SZT2: variants seen among roughly 807,000 people sequenced by gnomAD.
The protein encoded by SZT2 is SZT2 subunit of KICSTOR complex, also known as KICSTOR complex protein SZT2.
Under a neutral mutation model 404.2 loss-of-function variants are expected in SZT2, and 216 were observed. The ratio of observed to expected loss-of-function variants is 0.53; its 90% CI spans 0.48 to 0.60. The LOEUF is 0.60. Among genes scored for constraint, SZT2 ranks in the 20% least tolerant of loss-of-function variants. SZT2 has a pLI of 0.00. For missense variants in SZT2, 3,857 were observed against 4,459.2 expected (o/e 0.86, Z 3.85); for synonymous variants, 1,693 against 1,749.9 (o/e 0.97, Z 0.81).
At chr1:43,404,647 TC>T in intron 4 of SZT2, 97 bp downstream of exon 4, 1 of 1,335,564 alleles carries the variant, frequency 7.5e-7, no homozygotes, top group Non-Finnish European at 1.0e-6. Flanking sequence ...GTCCCCAAAG[TC>T]CCGAGCTCTG....
At chr1:43,398,718 T>C (rs1649295237) in intron 1 of SZT2, among the ~76,000 whole-genome samples, 1 of 152,202 alleles carries the variant, frequency 6.6e-6, no homozygotes, top group African/African-American at 2.4e-5. Context: ...AGTGTACAAT[T>C]TGATGGGACT....
chr1:43,419,489 G>A (rs1318689630), intron 7 of SZT2, among the ~76,000 whole-genome samples: 1 of 152,328 alleles, frequency 6.6e-6, no homozygotes, highest in East Asian at 1.9e-4. Flanking sequence ...GAAGGAGGTG[G>A]TGGGCCTTTA....
rs560313634 is a variant in SZT2 at position 43,453,246 on chromosome 1, T to G, written c.*2766T>G. The G allele has an allele frequency of 2.6e-4, 168 of 654,798 alleles. No homozygotes were observed. The highest frequency in any genetic ancestry group is 4.0e-4 in the Non-Finnish European group (152 of 380,160). 40.6% of individuals were successfully genotyped at this position (654,798 alleles called of 1,614,324 possible). A position where few individuals can be genotyped will look rare whatever the true frequency, so the allele number is the denominator to read the frequency against. The stretch of plus-strand genomic sequence containing the variant: ...GACAGATAAAATACAAAAGGCAATT[T>G]ACAAAGGACCAGGACCGCAGAGGCA... On this transcript the variant is annotated 3_prime_UTR_variant, in exon 72 of 72. Transcript: ENST00000634258.
At chr1:43,416,393 G>A in intron 6 of SZT2, 142 bp from the exon 7 acceptor site, 1 of 717,238 alleles carries the variant, frequency 1.4e-6, no homozygotes, top group Non-Finnish European at 2.3e-6. Context: ...GGTGTTTGAA[G>A]TTTATAAAAC....
At chr1:43,421,468 C>T (rs1447526196) in intron 11 of SZT2, among the ~76,000 whole-genome samples, 165 bp downstream of exon 11, 2 of 152,216 alleles carry the variant, frequency 1.3e-5, no homozygotes, top group Admixed American at 6.5e-5. Flanking sequence ...CCTAAGGCCC[C>T]GGGGAAGAGG....
Position 43,452,134 on chromosome 1 carries a change from C to G in SZT2, c.*1654C>G. The stretch of plus-strand genomic sequence containing the variant: ...TAGGCTGGCAGCCTCACGTGCTGTC[C>G]CCACTGTGCACCCCCTTCTCCGCAC... On this transcript the variant is annotated 3_prime_UTR_variant, in exon 72 of 72. Coordinates refer to ENST00000634258, the MANE Select transcript of SZT2 (RefSeq NM_001365999.1). The G allele has an allele frequency of 2.0e-6, 3 of 1,495,280 alleles. No individual in the cohort carries two copies. In the South Asian group the frequency reaches 3.5e-5, roughly 17 times the overall value. 92.6% of individuals were successfully genotyped at this position (1,495,280 alleles called of 1,614,324 possible).
Position 43,454,100 on chromosome 1 carries a change from A to G in SZT2, c.*3620A>G, listed in dbSNP as rs1450290037. 2.8e-6 allele frequency: 3 copies of G among 1,076,398 alleles called. No individual in the cohort carries two copies. Among genetic ancestry groups the G allele is most frequent in the South Asian group, 4.6e-5 (1 of 21,892 alleles). 66.7% of individuals were successfully genotyped at this position (1,076,398 alleles called of 1,614,324 possible). A position where few individuals can be genotyped will look rare whatever the true frequency, so the allele number is the denominator to read the frequency against. On this transcript the variant is annotated 3_prime_UTR_variant, in exon 72 of 72. Transcript: ENST00000634258. Reference sequence around the variant, plus strand: ...GCCTGAGAGCCGGACGCGAAGCAAGAGAGAGCTGGCTGCCCGAGGGCCCGG... The same window carrying G: ...GCCTGAGAGCCGGACGCGAAGCAAGGGAGAGCTGGCTGCCCGAGGGCCCGG...
chr1:43,439,736 A>T lies in SZT2; in HGVS notation c.7009A>T (p.Ile2337Phe). 6.2e-7 allele frequency: 1 copy of T among 1,607,370 alleles called. No individual in the cohort carries two copies. The highest frequency in any genetic ancestry group is 1.1e-5 in the South Asian group (1 of 90,330). ...EEEFEQLTQVIRCPVVVDSSS... is the reference protein window; with the variant it reads ...EEEFEQLTQVFRCPVVVDSSS... Reference sequence around the variant, plus strand: ...GGAATTTGAGCAACTGACCCAGGTCATCCGCTGCCCGGTTGTTGTGGACAG... The same window carrying T: ...GGAATTTGAGCAACTGACCCAGGTCTTCCGCTGCCCGGTTGTTGTGGACAG... Residue 2337 changes from isoleucine (I) to phenylalanine (F), a missense_variant, in exon 50 of 72, where the codon ATC (isoleucine) becomes TTC (phenylalanine). Physicochemically the swap from Ile to Phe is conservative, Grantham distance 21 (BLOSUM62 0). This residue lies in a region of SZT2 where 573 missense variants were observed against 592.4 expected (regional missense o/e 0.97). Coordinates refer to ENST00000634258, the MANE Select transcript of SZT2 (RefSeq NM_001365999.1). This position sits in a 1 kb window ranked among gnomAD's most constrained non-coding sequence, Gnocchi z 4.2.
intron 23 of SZT2, 44 bp from the exon 24 acceptor site, chr1:43,427,012 A>G (rs746744906): frequency 6.2e-7 from 1 of 1,609,974 alleles, no homozygotes; most frequent in Non-Finnish European, 8.5e-7. Flanking sequence ...CAGGGGTTGG[A>G]CATTCCCTTA....
chr1:43,415,239 G>A, intron 5 of SZT2, 26 bp downstream of exon 5: 1 of 1,596,070 alleles, frequency 6.3e-7, no homozygotes, highest in Non-Finnish European at 8.5e-7. Flanking sequence ...AGTGGGCAGA[G>A]GCAACTTAGA....
chr1:43,432,282 G>A lies in SZT2; in HGVS notation c.5285G>A (p.Arg1762His), dbSNP rs779573906. ...SLTQFKEEFR[R>H]LHLPGHVLLE... is the part of the protein sequence containing the mutation. ...GCTCCTGCTCTCTAGGAGTTCCGCC[G>A]CCTCCATCTCCCTGGCCATGTTCTT... Residue 1762 changes from arginine (R) to histidine (H), a missense_variant, in exon 37 of 72, where the codon CGC becomes CAC. Physicochemically the swap from Arg to His is conservative, Grantham distance 29. This residue lies in a region of SZT2 where 1,725 missense variants were observed against 1,881.0 expected (regional missense o/e 0.92). Coordinates refer to ENST00000634258, the MANE Select transcript of SZT2 (RefSeq NM_001365999.1). The A allele has an allele frequency of 3.5e-5, 54 of 1,557,086 alleles. No homozygotes were observed. In the South Asian group the frequency reaches 4.7e-4, roughly 13 times the overall value.
intron 6 of SZT2, among the ~76,000 whole-genome samples, chr1:43,416,302 T>C (rs1651714651): frequency 6.6e-6 from 1 of 151,704 alleles, no homozygotes; most frequent in African/African-American, 2.4e-5. Context: ...CTAGAAGGAG[T>C]AGAGCTCCAA....
rs1651562649 is a variant in SZT2 at position 43,415,226 on chromosome 1, G to A, written c.630+13G>A. The A allele has an allele frequency of 1.3e-6, 2 of 1,597,268 alleles. No individual in the cohort carries two copies. Among genetic ancestry groups the A allele is most frequent in the African/African-American group, 1.3e-5 (1 of 75,004 alleles). On this transcript the variant is annotated intron_variant, in intron 5 of 71. Transcript: ENST00000634258. Reference sequence around the variant, plus strand: ...TCCCCAGAGCCAGGTATGTAAGAGAGAAAGTGGGCAGAGGCAACTTAGAAA... The same window carrying A: ...TCCCCAGAGCCAGGTATGTAAGAGAAAAAGTGGGCAGAGGCAACTTAGAAA...
chr1:43,429,654 A>C, intron 28 of SZT2, 49 bp from the exon 29 acceptor site: 1 of 1,611,520 alleles, frequency 6.2e-7, no homozygotes, highest in Non-Finnish European at 8.5e-7. Flanking sequence ...AGGCTACTTC[A>C]GAGCTTGATG....
At chr1:43,392,739 A>C (rs1648552858) in intron 1 of SZT2, among the ~76,000 whole-genome samples, 1 of 152,162 alleles carries the variant, frequency 6.6e-6, no homozygotes, top group Admixed American at 6.5e-5. Flanking sequence ...TAACTCCCTG[A>C]TTTGCATTTC....
At position 43,453,668 on chromosome 1, in the gene SZT2, C is replaced by A; in HGVS notation, c.*3188C>A. On this transcript the variant is annotated 3_prime_UTR_variant, in exon 72 of 72. Coordinates refer to ENST00000634258, the MANE Select transcript of SZT2 (RefSeq NM_001365999.1). Reference sequence around the variant, plus strand: ...CGCGCGCCAGCGCCTCAGGCGTCTCCGCGTACGGCCAGGCCACCTCGACGG... The same window carrying A: ...CGCGCGCCAGCGCCTCAGGCGTCTCAGCGTACGGCCAGGCCACCTCGACGG... 6.8e-7 allele frequency: 1 copy of A among 1,481,184 alleles called. No homozygotes were observed. Among genetic ancestry groups the A allele is most frequent in the Non-Finnish European group, 8.9e-7 (1 of 1,124,160 alleles). 91.8% of individuals were successfully genotyped at this position (1,481,184 alleles called of 1,614,324 possible).
chr1:43,443,030 A>T lies in SZT2; in HGVS notation c.8363A>T (p.Asp2788Val). 1 of 1,613,922 alleles carries T rather than the reference A, an allele frequency of 6.2e-7. No homozygotes were observed. Among genetic ancestry groups the T allele is most frequent in the Non-Finnish European group, 8.5e-7 (1 of 1,179,892 alleles). ...SVLGPVPRPP[D>V]PVTYHGQQFL... Reference sequence around the variant, plus strand: ...CTTGGTCCTGTGCCCAGACCTCCTGATCCTGTCACCTACCATGGACAACAG... The same window carrying T: ...CTTGGTCCTGTGCCCAGACCTCCTGTTCCTGTCACCTACCATGGACAACAG... The change falls in exon 59 of 72, where the codon GAT becomes GTT. Residue 2788 changes from aspartate to valine, a missense_variant. Around this residue, in one of 7 missense-constraint regions of SZT2, gnomAD observed 717 missense variants for 868.2 expected, o/e 0.83. Transcript: ENST00000634258.
At chr1:43,416,140 G>C in intron 6 of SZT2, 39 bp downstream of exon 6, 1 of 1,589,780 alleles carries the variant, frequency 6.3e-7, no homozygotes, top group Non-Finnish European at 8.5e-7. Flanking sequence ...GGGAAGCAGG[G>C]ATACAGGAAG....
chr1:43,393,901 A>G (rs1009187828), intron 1 of SZT2: 1 of 156,260 alleles, frequency 6.4e-6, no homozygotes, highest in African/African-American at 2.4e-5. Flanking sequence ...AGATATTCTT[A>G]TCCACATACT....
Sources: allele counts gnomAD v4.1 joint callset (sites outside exome capture counted in the v4.1 genomes callset), GRCh38; gene constraint gnomAD v4.1.1; regional missense constraint gnomAD v4.1.1; non-coding constraint Gnocchi (gnomAD v3.1); transcripts MANE v1.5; gene names NCBI Gene and HGNC (gene_info 2026-07-23, HGNC 2026-07-21).